Variants in ARX observed in about 807,000 individuals in gnomAD.
ARX encodes aristaless related homeobox, also known as homeobox protein ARX.
A neutral mutation model predicts 23.1 loss-of-function variants in ARX; 1 was observed. That is an observed-to-expected ratio of 0.04 (90% CI 0.02 to 0.21). The LOEUF (loss-of-function observed/expected upper bound fraction) is 0.21, where lower values mean the gene tolerates loss of function less well. Among genes scored for constraint, ARX ranks in the 10% least tolerant of loss-of-function variants. ARX has a pLI of 1.00. For synonymous variants in ARX, 301 were observed against 270.1 expected (o/e 1.11, Z -1.12); for missense variants, 380 against 527.5 (o/e 0.72, Z 2.74).
chrX:25,013,875 C>G (rs2048714413), intron 1 of ARX, 77 bp from the exon 2 acceptor site: 12 of 865,592 alleles, frequency 1.4e-5, no homozygotes, highest in Admixed American at 6.7e-5. Flanking sequence ...GGCCCGCCCG[C>G]AGTTGCTCCC....
chrX:25,010,787 CCTT>C (rs2048698867), intron 2 of ARX, among the ~76,000 whole-genome samples: 1 of 111,291 alleles, frequency 9.0e-6, no homozygotes, highest in Non-Finnish European at 1.9e-5. Context: ...CCTCCTTCTT[CCTT>C]CTTCTCTTTC....
At chrX:25,005,810 G>C (rs2048675381) in intron 4 of ARX, among the ~76,000 whole-genome samples, 1 of 112,608 alleles carries the variant, frequency 8.9e-6, no homozygotes. Context: ...ACACAGCACC[G>C]GGACATTAGC....
Position 25,015,880 on chromosome X carries a change from C to T in ARX, c.-143G>A, listed in dbSNP as rs1907231305. 5 of 708,488 alleles carry T rather than the reference C, an allele frequency of 7.1e-6. No individual in the cohort carries two copies. Among genetic ancestry groups the T allele is most frequent in the Non-Finnish European group, 4.2e-6 (2 of 471,978 alleles). 58.4% of individuals were successfully genotyped at this position (708,488 alleles called of 1,213,427 possible). Reference sequence around the variant, plus strand: ...TGCGATCTTTGTGCCTTTCTGCCTCCCTTGGTTGCCGGCTGCCGGCTCCCG... The same window carrying T: ...TGCGATCTTTGTGCCTTTCTGCCTCTCTTGGTTGCCGGCTGCCGGCTCCCG... On this transcript the variant is annotated 5_prime_UTR_variant, in exon 1 of 5. Coordinates refer to ENST00000379044, the MANE Select transcript of ARX (RefSeq NM_139058.3).
In ARX at chrX:25,004,661, G is replaced by T; in HGVS notation, c.*9C>A. On this transcript the variant is annotated 3_prime_UTR_variant, in exon 5 of 5. Coordinates refer to ENST00000379044, the MANE Select transcript of ARX (RefSeq NM_139058.3). The stretch of plus-strand genomic sequence containing the variant: ...GGCGCGCGCGGGGCGCGGGTGTGGA[G>T]GGCAGCCTTTAGCACACCTCCTTGC... 1 of 1,165,051 alleles carries T rather than the reference G, an allele frequency of 8.6e-7. No individual in the cohort carries two copies. Among genetic ancestry groups the T allele is most frequent in the South Asian group, 1.9e-5 (1 of 52,649 alleles).
At chrX:25,015,397 G>C in intron 1 of ARX, 145 bp downstream of exon 1, 1 of 775,921 alleles carries the variant, frequency 1.3e-6, no homozygotes. Flanking sequence ...GATGTTTAAC[G>C]CTCTTTGAGG....
Position 25,013,661 on chromosome X carries a change from C to T in ARX, c.334G>A (p.Ala112Thr). ...CCCGCCGTGGCCGTGGCGGCCGCTG[C>T]CGCCGCCGCCGCCGCCGCCGCCGCC... ...AAAAAAAAAA[A>T]AAATATAGPR... Residue 112 changes from alanine to threonine, a missense_variant, in exon 2 of 5, where the codon GCA becomes ACA. Around this residue, in one of 3 missense-constraint regions of ARX, gnomAD observed 235 missense variants for 270.2 expected, o/e 0.87. Transcript: ENST00000379044. 2.7e-6 allele frequency: 2 copies of T among 748,775 alleles called. No individual in the cohort carries two copies. Among genetic ancestry groups the T allele is most frequent in the Non-Finnish European group, 3.2e-6 (2 of 633,939 alleles). 61.7% of individuals were successfully genotyped at this position (748,775 alleles called of 1,213,427 possible). A position where few individuals can be genotyped will look rare whatever the true frequency, so the allele number is the denominator to read the frequency against.
chrX:25,010,362 C>T, intron 2 of ARX, 57 bp from the exon 3 acceptor site: 1 of 1,170,869 alleles, frequency 8.5e-7, no homozygotes, highest in Non-Finnish European at 1.2e-6. Flanking sequence ...AATGCCCTCT[C>T]AGCTATTTCC....
chrX:25,014,374 G>T (rs1337667180), intron 1 of ARX, among the ~76,000 whole-genome samples: 1 of 112,493 alleles, frequency 8.9e-6, no homozygotes, highest in Non-Finnish European at 1.9e-5. Flanking sequence ...AAAACTTTGC[G>T]CATGACCTCT....
chrX:25,005,518 G>A (rs1449212398), intron 4 of ARX, among the ~76,000 whole-genome samples: 1 of 112,553 alleles, frequency 8.9e-6, no homozygotes, highest in African/African-American at 3.2e-5. Flanking sequence ...TTCCGCGCGG[G>A]ACTCAGCTAC....
In ARX at chrX:25,015,748, T is replaced by C; in HGVS notation, c.-11A>G. On this transcript the variant is annotated 5_prime_UTR_variant, in exon 1 of 5. Transcript: ENST00000379044. Reference sequence around the variant, plus strand: ...GTACTGATTGCTCATGGCTGGGGCTTTTTCCCAGGGCGCAGAGAGCGGATC... The same window carrying C: ...GTACTGATTGCTCATGGCTGGGGCTCTTTCCCAGGGCGCAGAGAGCGGATC... 8.4e-7 allele frequency: 1 copy of C among 1,188,689 alleles called. No homozygotes were observed. Among genetic ancestry groups the C allele is most frequent in the Non-Finnish European group, 1.1e-6 (1 of 882,074 alleles).
At chrX:25,011,453 G>A (rs1261403362) in intron 2 of ARX, among the ~76,000 whole-genome samples, 1 of 113,215 alleles carries the variant, frequency 8.8e-6, no homozygotes. Flanking sequence ...AGCTAAGAAA[G>A]GGCGGACGTG....
At chrX:25,011,356 G>T (rs1047643265) in intron 2 of ARX, among the ~76,000 whole-genome samples, 3 of 111,678 alleles carry the variant, frequency 2.7e-5, no homozygotes, top group African/African-American at 9.8e-5. Context: ...CAAACCCCTG[G>T]GTTGGAAAGA....
intron 2 of ARX, 21 bp downstream of exon 2, chrX:25,012,901 G>A (rs779281432): frequency 1.7e-6 from 2 of 1,198,490 alleles, no homozygotes; most frequent in Admixed American, 2.2e-5. Flanking sequence ...CGCTGCGACC[G>A]CGACCACCCT....
At position 25,013,517 on chromosome X, in the gene ARX, T is replaced by C; in HGVS notation, c.478A>G (p.Lys160Glu). Residue 160 changes from lysine to glutamate, a missense_variant, in exon 2 of 5, where the codon AAG becomes GAG. Physicochemically the swap from Lys to Glu is moderately conservative, Grantham distance 56. Around this residue, in one of 3 missense-constraint regions of ARX, gnomAD observed 235 missense variants for 270.2 expected, o/e 0.87. Coordinates refer to ENST00000379044, the MANE Select transcript of ARX (RefSeq NM_139058.3). Reference sequence around the variant, plus strand: ...CTCACCTGCGGCGCCTGGCTGATCTTGAGCGTGTCCCAGGCCGCGGCGGCC... The same window carrying C: ...CTCACCTGCGGCGCCTGGCTGATCTCGAGCGTGTCCCAGGCCGCGGCGGCC... ...AAAAAAWDTL[K>E]ISQAPQVSIS... 1 of 849,456 alleles carries C rather than the reference T, an allele frequency of 1.2e-6. No individual in the cohort carries two copies. The highest frequency in any genetic ancestry group is 1.4e-6 in the Non-Finnish European group (1 of 703,911). 70.0% of individuals were successfully genotyped at this position (849,456 alleles called of 1,213,427 possible).
In ARX at chrX:25,015,916, G is replaced by T; in HGVS notation, c.-179C>A. 2 of 519,893 alleles carry T rather than the reference G, an allele frequency of 3.8e-6. No individual in the cohort carries two copies. Among genetic ancestry groups the T allele is most frequent in the Non-Finnish European group, 6.5e-6 (2 of 306,867 alleles). 42.8% of individuals were successfully genotyped at this position (519,893 alleles called of 1,213,427 possible). A position where few individuals can be genotyped will look rare whatever the true frequency, so the allele number is the denominator to read the frequency against. On this transcript the variant is annotated 5_prime_UTR_variant, in exon 1 of 5. Coordinates refer to ENST00000379044, the MANE Select transcript of ARX (RefSeq NM_139058.3). ...GGCTGCCGGCTCCCGCCCTGCCCGC[G>T]GCCCGAGCTCGCCCTCTCCGCGCTC...
At position 25,013,301 on chromosome X, in the gene ARX, C is replaced by T. The variant is rs1026478061; in HGVS notation, c.694G>A (p.Glu232Lys). The change falls in exon 2 of 5, where the codon GAG becomes AAG. Residue 232 changes from glutamate to lysine, a missense_variant. Glu to Lys is a moderately conservative substitution (Grantham distance 56, BLOSUM62 1). Around this residue, in one of 3 missense-constraint regions of ARX, gnomAD observed 235 missense variants for 270.2 expected, o/e 0.87. Coordinates refer to ENST00000379044, the MANE Select transcript of ARX (RefSeq NM_139058.3). ...TCCTCGTCCTCATCTTCTTCGTCCT[C>T]CAGCAGCTCCTCCTCGTCGTCCTCG... ...GTEDDEEELL[E>K]DEEDEDEEEE... The T allele has an allele frequency of 1.7e-6, 2 of 1,153,272 alleles. No homozygotes were observed. The highest frequency in any genetic ancestry group is 3.6e-5 in the African/African-American group (2 of 55,475).
At chrX:25,012,007 G>C (rs1301512782) in intron 2 of ARX, among the ~76,000 whole-genome samples, 2 of 112,472 alleles carry the variant, frequency 1.8e-5, no homozygotes, top group African/African-American at 6.5e-5. Flanking sequence ...CGGCGCCCCA[G>C]GTGGTGAATA....
chrX:25,015,799 G>A lies in ARX; in HGVS notation c.-62C>T, dbSNP rs2048725285. ...GCCGGCTGCCTCTCCCGGAGGGTGG[G>A]ATGGATGGGTGTGTGTTGGGGGTGG... On this transcript the variant is annotated 5_prime_UTR_variant, in exon 1 of 5. Coordinates refer to ENST00000379044, the MANE Select transcript of ARX (RefSeq NM_139058.3). 2.8e-6 allele frequency: 3 copies of A among 1,081,465 alleles called. No individual in the cohort carries two copies. Among genetic ancestry groups the A allele is most frequent in the East Asian group, 3.2e-5 (1 of 30,787 alleles). 89.1% of individuals were successfully genotyped at this position (1,081,465 alleles called of 1,213,427 possible).
chrX:25,013,577 C>A lies in ARX; in HGVS notation c.418G>T (p.Asp140Tyr), dbSNP rs888222904. 1.9e-5 allele frequency: 14 copies of A among 754,919 alleles called. No individual in the cohort carries two copies. The highest frequency in any genetic ancestry group is 2.2e-5 in the Non-Finnish European group (14 of 642,068). The allele number at this position is 754,919 out of a possible 1,213,427, so 62.2% of individuals were successfully genotyped here. ...PPTARPGERP[D>Y]GAGAAAAAAA... is the part of the protein sequence containing the mutation. ...GCTGCCGCGGCGGCCCCTGCGCCGTCCGGCCGTTCCCCGGGCCGCGCGGTT... is the reference window on the plus strand; with the variant it reads ...GCTGCCGCGGCGGCCCCTGCGCCGTACGGCCGTTCCCCGGGCCGCGCGGTT... The change falls in exon 2 of 5, where the codon GAC becomes TAC. Residue 140 changes from aspartate (D) to tyrosine (Y), a missense_variant. By Grantham distance (160) the Asp-to-Tyr change is radical. Coordinates refer to ENST00000379044, the MANE Select transcript of ARX (RefSeq NM_139058.3).
Sources: allele counts gnomAD v4.1 joint callset (sites outside exome capture counted in the v4.1 genomes callset), GRCh38; gene constraint gnomAD v4.1.1; regional missense constraint gnomAD v4.1.1; transcripts MANE v1.5; gene names NCBI Gene and HGNC (gene_info 2026-07-23, HGNC 2026-07-21).